DOCK8: variants seen among roughly 807,000 people sequenced by gnomAD.
DOCK8 encodes dedicator of cytokinesis protein 8.
Under a neutral mutation model 245.6 loss-of-function variants are expected in DOCK8, and 141 were observed. That is an observed-to-expected ratio of 0.57 (90% CI 0.50 to 0.66). The LOEUF (loss-of-function observed/expected upper bound fraction) is 0.66, where lower values mean the gene tolerates loss of function less well. Ranked by LOEUF, DOCK8 falls within the 30% of genes least tolerant of loss-of-function variation. The probability of loss-of-function intolerance (pLI) is 0.00; values close to 1 mark genes in which losing one functional copy is unlikely to be tolerated. For missense variants in DOCK8, 2,965 were observed against 2,603.4 expected (o/e 1.14, Z -3.02); for synonymous variants, 1,168 against 970.2 (o/e 1.20, Z -3.79).
At position 406,978 on chromosome 9, in the gene DOCK8, T is replaced by A; in HGVS notation, c.3439T>A (p.Phe1147Ile). ...CCAGGACCAGAAGATCGCCAGCATG[T>A]TCGATCTGACTTCCGAGTACCGCCA... ...SFQDQKIASM[F>I]DLTSEYRQQH... Residue 1147 changes from phenylalanine (F) to isoleucine (I), a missense_variant, in exon 28 of 48, where the codon TTC (phenylalanine) becomes ATC (isoleucine). Physicochemically the swap from Phe to Ile is conservative, Grantham distance 21. This residue lies in a region of DOCK8 where 2,825 missense variants were observed against 2,453.5 expected (regional missense o/e 1.15). Transcript: ENST00000432829. The A allele has an allele frequency of 6.2e-7, 1 of 1,614,172 alleles. No individual in the cohort carries two copies. Among genetic ancestry groups the A allele is most frequent in the Non-Finnish European group, 8.5e-7 (1 of 1,180,020 alleles).
At position 439,895 on chromosome 9, in the gene DOCK8, G is replaced by T. The variant is rs868447366; in HGVS notation, c.5223+507G>T. ...ACCAGCTTACAGAAATGTGGGCACAGAAACCACTGAGACTCCTCTGGTTAA... is the reference window on the plus strand; with the variant it reads ...ACCAGCTTACAGAAATGTGGGCACATAAACCACTGAGACTCCTCTGGTTAA... On this transcript the variant is annotated intron_variant, in intron 40 of 47. Coordinates refer to ENST00000432829, the MANE Select transcript of DOCK8 (RefSeq NM_203447.4). 2.6e-5 allele frequency among the ~76,000 whole-genome samples: 4 copies of T among 152,294 alleles called. No individual in the cohort carries two copies. The Middle Eastern group carries it at 0.01, about 389-fold the overall frequency.
intron 4 of DOCK8, among the ~76,000 whole-genome samples, chr9:291,470 T>C (rs2049035716): frequency 6.6e-6 from 1 of 152,200 alleles, no homozygotes; most frequent in Admixed American, 6.5e-5. Flanking sequence ...GATTATAATA[T>C]CATTTTTGTA....
At chr9:325,538 A>C (rs775375532) in intron 7 of DOCK8, 133 bp from the exon 8 acceptor site, 40 of 776,552 alleles carry the variant, frequency 5.2e-5, no homozygotes, top group Middle Eastern at 2.4e-4. Context: ...TGCGATTCTC[A>C]TATACTTGGA....
chr9:349,389 C>G (rs933973685), intron 14 of DOCK8, among the ~76,000 whole-genome samples: 8 of 152,150 alleles, frequency 5.3e-5, no homozygotes, highest in African/African-American at 1.9e-4. Flanking sequence ...ATTCATGCAA[C>G]TATTAATGGA....
intron 39 of DOCK8, among the ~76,000 whole-genome samples, chr9:435,252 T>C (rs1234375248): frequency 6.6e-6 from 1 of 152,234 alleles, no homozygotes. Context: ...TTGCTTCTTC[T>C]AATTGCTTTC....
chr9:306,820 G>T (rs769730161), intron 5 of DOCK8, among the ~76,000 whole-genome samples: 21 of 152,170 alleles, frequency 1.4e-4, no homozygotes, highest in Non-Finnish European at 2.8e-4. Context: ...GAAGATCTTG[G>T]AGTTGTCAGA....
chr9:237,230 G>A (rs2047273732), intron 1 of DOCK8, among the ~76,000 whole-genome samples: 1 of 152,244 alleles, frequency 6.6e-6, no homozygotes. Flanking sequence ...GGAGCTGCAA[G>A]GAAAGCAAAA....
chr9:376,346 C>T (rs749904014), intron 19 of DOCK8, 41 bp downstream of exon 19: 16 of 1,384,592 alleles, frequency 1.2e-5, no homozygotes, highest in Admixed American at 5.0e-5. Context: ...AAAGGTGCAG[C>T]GGAGGAGCCT....
chr9:367,410 TAGAA>T (rs1367033468), intron 14 of DOCK8, among the ~76,000 whole-genome samples: 7 of 152,118 alleles, frequency 4.6e-5, no homozygotes, highest in Non-Finnish European at 8.8e-5. Context: ...ATAATGCAAA[TAGAA>T]AGAAAAATAT....
intron 1 of DOCK8, among the ~76,000 whole-genome samples, chr9:230,109 G>C (rs1482905181): frequency 7.3e-6 from 1 of 136,744 alleles, no homozygotes; most frequent in Non-Finnish European, 1.5e-5. Flanking sequence ...CTGTGTCCAT[G>C]TGTTCTCATT....
intron 36 of DOCK8, 137 bp from the exon 37 acceptor site, chr9:432,029 T>A: frequency 1.2e-6 from 1 of 860,508 alleles, no homozygotes; most frequent in South Asian, 1.5e-5. Context: ...CCCATTTCAT[T>A]GAGAGAAGAG....
intron 2 of DOCK8, among the ~76,000 whole-genome samples, chr9:273,660 ACCC>A (rs1428740507): frequency 6.6e-6 from 1 of 150,444 alleles, no homozygotes; most frequent in African/African-American, 2.4e-5. Context: ...ACAGGCTTTA[ACCC>A]TTTCTCTCCA....
In DOCK8 at chr9:289,570, C is replaced by T. The variant is rs139097471; in HGVS notation, c.393C>T (p.Ile131=). The T allele has an allele frequency of 8.0e-5, 129 of 1,611,022 alleles. No homozygotes were observed. Among genetic ancestry groups the T allele is most frequent in the Middle Eastern group, 1.7e-4 (1 of 5,962 alleles). Residue 131 remains isoleucine (I), a synonymous_variant, in exon 4 of 48, where the codon ATC becomes ATT. Coordinates refer to ENST00000432829, the MANE Select transcript of DOCK8 (RefSeq NM_203447.4). The stretch of plus-strand genomic sequence containing the variant: ...AGACCTACATCCGTGAGTGGCTAAT[C>T]GTGAACCGGAAGTAAGTTACTTTTT... ...CVQTYIREWL[I]VNRKNQGSPE...
At chr9:346,780 G>A (rs1425206098) in intron 14 of DOCK8, among the ~76,000 whole-genome samples, 4 of 152,138 alleles carry the variant, frequency 2.6e-5, no homozygotes, top group Non-Finnish European at 4.4e-5. Context: ...TTCTGCGGGG[G>A]AAAAGGAATG....
intron 5 of DOCK8, among the ~76,000 whole-genome samples, chr9:305,338 A>T (rs181679436): frequency 1.3e-5 from 2 of 150,788 alleles, no homozygotes; most frequent in Non-Finnish European, 2.9e-5. Context: ...GCTGGACTGC[A>T]GTGGCACGAT....
intron 1 of DOCK8, among the ~76,000 whole-genome samples, chr9:232,346 T>C (rs960446310): frequency 1.2e-4 from 19 of 152,184 alleles, no homozygotes; most frequent in Non-Finnish European, 2.8e-4. Context: ...AGGATATTGG[T>C]CTAAAATTCT....
chr9:268,372 AT>A (rs2048082102), intron 1 of DOCK8: 1 of 152,246 alleles, frequency 6.6e-6, no homozygotes. Flanking sequence ...GGAAACTTGT[AT>A]GTGGACGACT....
intron 4 of DOCK8, among the ~76,000 whole-genome samples, chr9:302,036 A>G (rs2049574804): frequency 6.6e-6 from 1 of 152,194 alleles, no homozygotes; most frequent in African/African-American, 2.4e-5. Context: ...AAACCTGAAT[A>G]GCCAAAGCAA....
At chr9:332,645 T>G (rs1354828138) in intron 10 of DOCK8, among the ~76,000 whole-genome samples, 167 bp downstream of exon 10, 1 of 139,282 alleles carries the variant, frequency 7.2e-6, no homozygotes, top group Admixed American at 8.0e-5. Flanking sequence ...TCACCGATGA[T>G]GACTTTTTTT....
Sources: allele counts gnomAD v4.1 joint callset (sites outside exome capture counted in the v4.1 genomes callset), GRCh38; gene constraint gnomAD v4.1.1; regional missense constraint gnomAD v4.1.1; transcripts MANE v1.5; gene names NCBI Gene and HGNC (gene_info 2026-07-23, HGNC 2026-07-21).